Variants in ROBO2 observed in about 807,000 individuals in gnomAD.
The protein encoded by ROBO2 is roundabout homolog 2.
ROBO2 carries 53 observed loss-of-function variants against 160.8 expected under a neutral mutation model. That is an observed-to-expected ratio of 0.33 (90% CI 0.26 to 0.41). ROBO2 has a LOEUF of 0.41. Among genes scored for constraint, ROBO2 ranks in the 10% least tolerant of loss-of-function variants. The probability of loss-of-function intolerance (pLI) is 1.00; values close to 1 mark genes in which losing one functional copy is unlikely to be tolerated. For synonymous variants in ROBO2, 664 were observed against 611.7 expected (o/e 1.09, Z -1.26); for missense variants, 1,577 against 1,722.4 (o/e 0.92, Z 1.49).
chr3:76,737,597 C>G (rs554258969), intron 2 of ROBO2, among the ~76,000 whole-genome samples: 1 of 152,232 alleles, frequency 6.6e-6, no homozygotes, highest in East Asian at 1.9e-4. Flanking sequence ...ACTCCAAGCT[C>G]TATTTTTCCT....
At chr3:76,435,473 T>A in intron 2 of ROBO2, 1 of 724,512 alleles carries the variant, frequency 1.4e-6, no homozygotes, top group Non-Finnish European at 2.5e-6. Flanking sequence ...CACCGTGGGA[T>A]AAATCTGTAT....
At chr3:76,010,225 T>G (rs1278985929) in intron 2 of ROBO2, among the ~76,000 whole-genome samples, 5 of 152,312 alleles carry the variant, frequency 3.3e-5, no homozygotes, top group Middle Eastern at 3.4e-3. Context: ...GATTTGAACT[T>G]TATAATTATG....
At chr3:76,512,398 T>C (rs1055434328) in intron 2 of ROBO2, among the ~76,000 whole-genome samples, 12 of 151,644 alleles carry the variant, frequency 7.9e-5, no homozygotes, top group African/African-American at 2.4e-4. Context: ...AAGCCTGCCA[T>C]TGTCAGCTGT....
Position 77,435,839 on chromosome 3 carries a change from A to G in ROBO2, c.389-41575A>G, listed in dbSNP as rs574133067. On this transcript the variant is annotated intron_variant, in intron 2 of 25. Transcript: ENST00000461745. The stretch of plus-strand genomic sequence containing the variant: ...ATGAACATATCTTAAAGTATATCTG[A>G]TAGTTGTTCACTTATAAAGGAATTC... Among the ~76,000 whole-genome samples the G allele has an allele frequency of 4.6e-5, 7 of 151,770 alleles. No homozygotes were observed. The South Asian group carries it at 1.2e-3, about 27-fold the overall frequency.
chr3:76,473,679 A>C (rs1333434887), intron 2 of ROBO2, among the ~76,000 whole-genome samples: 2 of 152,172 alleles, frequency 1.3e-5, no homozygotes, highest in Non-Finnish European at 2.9e-5. Flanking sequence ...AGTTTTGTAA[A>C]AATAATAACC....
At chr3:76,132,401 G>C (rs112527644) in intron 2 of ROBO2, among the ~76,000 whole-genome samples, 14 of 113,350 alleles carry the variant, frequency 1.2e-4, no homozygotes, top group South Asian at 3.7e-4. Flanking sequence ...TGTTGGGGGG[G>C]GGGGGGGACG....
At chr3:76,020,412 G>A (rs1285795067) in intron 2 of ROBO2, among the ~76,000 whole-genome samples, 3 of 151,672 alleles carry the variant, frequency 2.0e-5, no homozygotes, top group Non-Finnish European at 4.4e-5. Context: ...TGCTTCGTAT[G>A]TTCCTCTTTT....
chr3:77,531,749 T>A (rs2091746163), intron 6 of ROBO2, among the ~76,000 whole-genome samples: 1 of 152,128 alleles, frequency 6.6e-6, no homozygotes, highest in African/African-American at 2.4e-5. Flanking sequence ...TATGAACCTT[T>A]TCATGTTTGG....
intron 5 of ROBO2, among the ~76,000 whole-genome samples, chr3:77,508,427 A>G (rs1034264269): frequency 6.7e-6 from 1 of 148,232 alleles, no homozygotes; most frequent in Admixed American, 6.8e-5. Flanking sequence ...AGGTTTAGAG[A>G]TTTCTATATA....
At chr3:77,200,745 G>A (rs1188134654) in intron 2 of ROBO2, among the ~76,000 whole-genome samples, 1 of 152,048 alleles carries the variant, frequency 6.6e-6, no homozygotes, top group African/African-American at 2.4e-5. Context: ...ATACCTAAAA[G>A]CCATTTTATT....
intron 2 of ROBO2, among the ~76,000 whole-genome samples, chr3:77,016,478 C>CTA (rs553271241): frequency 1.1e-3 from 172 of 152,182 alleles, no homozygotes; most frequent in Non-Finnish European, 1.9e-3. Context: ...CCACCAAAAT[C>CTA]TATATATATT....
intron 2 of ROBO2, among the ~76,000 whole-genome samples, chr3:76,196,519 T>C (rs1337310310): frequency 6.6e-6 from 1 of 152,088 alleles, no homozygotes. Context: ...AGGGTTAGTC[T>C]AAGAAATGAA....
intron 2 of ROBO2, among the ~76,000 whole-genome samples, chr3:76,030,555 G>C (rs1409936886): frequency 1.3e-5 from 2 of 152,158 alleles, no homozygotes; most frequent in Non-Finnish European, 2.9e-5. Flanking sequence ...AAGGTGTAAG[G>C]AAGGGATCCA....
chr3:77,622,367 G>A (rs1270685030), exon 23 of ROBO2: 2 of 1,614,092 alleles, frequency 1.2e-6, no homozygotes, highest in Non-Finnish European at 1.7e-6. Context: ...GAAATCCCCA[G>A]GCCCCTGAGA....
chr3:77,097,202 TG>T (rs1430031311), intron 1 of ROBO2, among the ~76,000 whole-genome samples: 7 of 152,214 alleles, frequency 4.6e-5, no homozygotes, highest in Non-Finnish European at 2.9e-5. Flanking sequence ...TGCACGTAAC[TG>T]TCATTTCCTT....
chr3:77,542,493 G>A (rs541112501), intron 6 of ROBO2, among the ~76,000 whole-genome samples: 8 of 152,232 alleles, frequency 5.3e-5, no homozygotes, highest in African/African-American at 1.7e-4. Context: ...ACACATTTCC[G>A]ACTTGGAGTA....
chr3:75,920,241 T>G (rs535826341), intron 1 of ROBO2, among the ~76,000 whole-genome samples: 7 of 152,336 alleles, frequency 4.6e-5, no homozygotes, highest in Admixed American at 3.9e-4. Flanking sequence ...TTTGTTCTCA[T>G]TGGTTTCAAA....
At position 77,522,765 on chromosome 3, in the gene ROBO2, T is replaced by A; in HGVS notation, c.807-10T>A. On this transcript the variant is annotated splice_polypyrimidine_tract_variant and intron_variant, in intron 5 of 25. Transcript: ENST00000461745. The stretch of plus-strand genomic sequence containing the variant: ...TACTATTTAATAAAACCAGTTCATT[T>A]TCTACACAGGTATGACATCAAAGAC... 1 of 1,607,390 alleles carries A rather than the reference T, an allele frequency of 6.2e-7. No homozygotes were observed. Among genetic ancestry groups the A allele is most frequent in the Non-Finnish European group, 8.5e-7 (1 of 1,175,186 alleles).
intron 2 of ROBO2, among the ~76,000 whole-genome samples, chr3:76,893,259 A>G (rs2074493996): frequency 2.0e-5 from 3 of 151,914 alleles, no homozygotes; most frequent in Non-Finnish European, 2.9e-5. Flanking sequence ...GATGACAGCA[A>G]GAATGAGGGA....
Sources: allele counts gnomAD v4.1 joint callset (sites outside exome capture counted in the v4.1 genomes callset), GRCh38; gene constraint gnomAD v4.1.1; transcripts MANE v1.5; gene names NCBI Gene and HGNC (gene_info 2026-07-23, HGNC 2026-07-21).